Variants in ANKS1A observed in about 807,000 individuals in gnomAD.
ANKS1A encodes the protein ankyrin repeat and sterile alpha motif domain containing 1A.
ANKS1A carries 55 observed loss-of-function variants against 120.3 expected under a neutral mutation model. The observed-to-expected ratio is 0.46, with a 90% confidence interval of 0.37 to 0.57. The LOEUF is 0.57. Ranked by LOEUF, ANKS1A falls within the 20% of genes least tolerant of loss-of-function variation. The pLI, the probability that ANKS1A is intolerant of heterozygous loss-of-function variation, is 0.00. For synonymous variants in ANKS1A, 590 were observed against 604.7 expected (o/e 0.98, Z 0.36); for missense variants, 1,123 against 1,480.3 (o/e 0.76, Z 3.96).
intron 11 of ANKS1A, among the ~76,000 whole-genome samples, chr6:35,043,610 C>T (rs1360576070): frequency 6.6e-6 from 1 of 152,158 alleles, no homozygotes; most frequent in Non-Finnish European, 1.5e-5. Context: ...CCAGTAGAAG[C>T]CTCTTACATG....
rs62402705 is a variant in ANKS1A at position 35,017,781 on chromosome 6, C to T, written c.1732C>T (p.Arg578Cys). The T allele has an allele frequency of 2.2e-5, 35 of 1,614,064 alleles. No homozygotes were observed. The highest frequency in any genetic ancestry group is 1.2e-4 in the African/African-American group (9 of 74,924). ...YLTGLPTTNS[R>C]SHPETLTHTA... ...CACAGGCCTGCCCACCACCAACAGCCGCTCGCACCCTGAAACTTTGACTCA... is the reference window on the plus strand; with the variant it reads ...CACAGGCCTGCCCACCACCAACAGCTGCTCGCACCCTGAAACTTTGACTCA... Residue 578 changes from arginine to cysteine, a missense_variant, in exon 11 of 24, where the codon CGC becomes TGC. This residue lies in a region of ANKS1A where 904 missense variants were observed against 1,130.4 expected (regional missense o/e 0.80). Transcript: ENST00000360359.
chr6:34,939,921 A>T (rs1769444791), intron 1 of ANKS1A, among the ~76,000 whole-genome samples: 1 of 152,152 alleles, frequency 6.6e-6, no homozygotes, highest in Non-Finnish European at 1.5e-5. Context: ...TCATCTAAGA[A>T]ATATGGTTGC....
At position 34,982,737 on chromosome 6, in the gene ANKS1A, T is replaced by C. The variant is rs775792143; in HGVS notation, c.733-15T>C. 2.5e-6 allele frequency: 4 copies of C among 1,614,236 alleles called. No homozygotes were observed. The Admixed American group carries it at 5.0e-5, about 20-fold the overall frequency. ...TCTGATGACATCCCGCTCTGCGCTC[T>C]CGTTTGCTTTCCAGACGGAGATGGG... On this transcript the variant is annotated splice_polypyrimidine_tract_variant and intron_variant, in intron 4 of 23. Coordinates refer to ENST00000360359, the MANE Select transcript of ANKS1A (RefSeq NM_015245.3). The surrounding 1 kb of genome is among the most constrained non-coding windows in gnomAD (Gnocchi z 4.9).
In ANKS1A at chr6:34,983,138, C is replaced by A. The variant is rs773336222; in HGVS notation, c.834C>A (p.Asn278Lys). The A allele has an allele frequency of 1.2e-6, 2 of 1,614,172 alleles. No individual in the cohort carries two copies. Among genetic ancestry groups the A allele is most frequent in the Non-Finnish European group, 1.7e-6 (2 of 1,180,028 alleles). The change falls in exon 6 of 24, where the codon AAC (asparagine) becomes AAA (lysine). Residue 278 changes from asparagine to lysine, a missense_variant. Asn to Lys is a moderately conservative substitution (Grantham distance 94, BLOSUM62 0). This residue lies in a region of ANKS1A where 904 missense variants were observed against 1,130.4 expected (regional missense o/e 0.80). Transcript: ENST00000360359. ...GAACTGACGTCAACATAAAAGATAA[C>A]CATGGACTGACTGCCCTAGACACTG... ...AAGTDVNIKD[N>K]HGLTALDTVR... is the part of the protein sequence containing the mutation.
At chr6:35,072,200 C>T (rs954859498) in intron 13 of ANKS1A, among the ~76,000 whole-genome samples, 7 of 152,248 alleles carry the variant, frequency 4.6e-5, no homozygotes, top group African/African-American at 1.7e-4. Context: ...AGGAAGAAAG[C>T]AGTGTGGGTC....
chr6:34,947,138 G>A (rs1769839189), intron 1 of ANKS1A, among the ~76,000 whole-genome samples: 1 of 141,494 alleles, frequency 7.1e-6, no homozygotes, highest in Non-Finnish European at 1.5e-5. Flanking sequence ...TAGTATAGTA[G>A]ACTCTTTTTT....
Position 35,090,188 on chromosome 6 carries a change from C to T in ANKS1A, c.*1579C>T, listed in dbSNP as rs1226467270. On this transcript the variant is annotated 3_prime_UTR_variant, in exon 24 of 24. Transcript: ENST00000360359. ...ACTTCTTGGTACTAAACGAAGATCTCGACACCTTGCAGTTTTACTTCATTT... is the reference window on the plus strand; with the variant it reads ...ACTTCTTGGTACTAAACGAAGATCTTGACACCTTGCAGTTTTACTTCATTT... 2.3e-6 allele frequency: 3 copies of T among 1,289,350 alleles called. No individual in the cohort carries two copies. The highest frequency in any genetic ancestry group is 3.0e-6 in the Non-Finnish European group (3 of 988,892). The allele number at this position is 1,289,350 out of a possible 1,614,324, so 79.9% of individuals were successfully genotyped here. A position where few individuals can be genotyped will look rare whatever the true frequency, so the allele number is the denominator to read the frequency against.
chr6:34,950,576 G>A (rs531043113), intron 1 of ANKS1A, among the ~76,000 whole-genome samples: 1 of 152,212 alleles, frequency 6.6e-6, no homozygotes, highest in South Asian at 2.1e-4. Flanking sequence ...GAGAGATCCG[G>A]CTTAACTCCA....
chr6:34,993,892 C>T lies in ANKS1A; in HGVS notation c.1303-410C>T, dbSNP rs115025509. ...TGCAGAACACTGTAGGCATGGGAGA[C>T]GCAAGAAAGGAAGGATCCTGGATTT... On this transcript the variant is annotated intron_variant, in intron 9 of 23. Transcript: ENST00000360359. Among the ~76,000 whole-genome samples, 646 of 152,206 alleles carry T rather than the reference C, an allele frequency of 4.2e-3. 2 individuals carry two copies. Among genetic ancestry groups the T allele is most frequent in the African/African-American group, 0.014 (583 of 41,522 alleles).
At chr6:34,962,662 G>T (rs544683516) in intron 1 of ANKS1A, among the ~76,000 whole-genome samples, 1 of 151,532 alleles carries the variant, frequency 6.6e-6, no homozygotes, top group Admixed American at 6.6e-5. Flanking sequence ...GGTGGCATGC[G>T]CCTGTAGTCC....
At chr6:35,078,691 C>A (rs376568555) in intron 14 of ANKS1A, 35 bp downstream of exon 14, 70 of 1,590,182 alleles carry the variant, frequency 4.4e-5, no homozygotes, top group Non-Finnish European at 2.4e-5. Flanking sequence ...TCAGCCCGTG[C>A]GGAGCCAGGG....
At position 34,896,147 on chromosome 6, in the gene ANKS1A, G is replaced by A. The variant is rs186511812; in HGVS notation, c.197+6548G>A. Reference sequence around the variant, plus strand: ...TACAGTGGTGCAATCTCAGCTCACTGCAACCTCTGCCTCTCAGGTTCAAGT... The same window carrying A: ...TACAGTGGTGCAATCTCAGCTCACTACAACCTCTGCCTCTCAGGTTCAAGT... On this transcript the variant is annotated intron_variant, in intron 1 of 23. Transcript: ENST00000360359. Among the ~76,000 whole-genome samples, 3 of 149,732 alleles carry A rather than the reference G, an allele frequency of 2.0e-5. No homozygotes were observed. In the East Asian group the frequency reaches 5.9e-4, roughly 29 times the overall value.
At chr6:34,918,287 C>G (rs1462080766) in intron 1 of ANKS1A, among the ~76,000 whole-genome samples, 9 of 152,084 alleles carry the variant, frequency 5.9e-5, no homozygotes, top group African/African-American at 2.2e-4. Flanking sequence ...GCCAGTTGGC[C>G]TAGGTTCAAA....
rs1430954077 is a variant in ANKS1A at position 34,934,175 on chromosome 6, T to A, written c.198-33064T>A. Among the ~76,000 whole-genome samples the A allele has an allele frequency of 3.9e-5, 6 of 152,170 alleles. No individual in the cohort carries two copies. In the East Asian group the frequency reaches 1.2e-3, roughly 29 times the overall value. The stretch of plus-strand genomic sequence containing the variant: ...TTATTTATTTATTTTGGAGACGGAG[T>A]CTTGCTTTGTCACCCAGGCTGAAGT... On this transcript the variant is annotated intron_variant, in intron 1 of 23. Transcript: ENST00000360359.
In ANKS1A at chr6:34,950,620, A is replaced by C. The variant is rs564214412; in HGVS notation, c.198-16619A>C. Reference sequence around the variant, plus strand: ...AAGGGCAAGTGGGGATTGATAGCCAAGGAGCAAGGTGAAGGGGTCAGTGGG... The same window carrying C: ...AAGGGCAAGTGGGGATTGATAGCCACGGAGCAAGGTGAAGGGGTCAGTGGG... On this transcript the variant is annotated intron_variant, in intron 1 of 23. Coordinates refer to ENST00000360359, the MANE Select transcript of ANKS1A (RefSeq NM_015245.3). Among the ~76,000 whole-genome samples the C allele has an allele frequency of 3.0e-4, 46 of 152,316 alleles. No individual in the cohort carries two copies. In the South Asian group the frequency reaches 3.9e-3, roughly 13 times the overall value.
chr6:34,893,186 G>A (rs1268228060), intron 1 of ANKS1A, among the ~76,000 whole-genome samples: 3 of 152,140 alleles, frequency 2.0e-5, no homozygotes, highest in Non-Finnish European at 4.4e-5. Flanking sequence ...GTGTGTACGG[G>A]ACTTACCATA....
Position 35,082,577 on chromosome 6 carries a change from T to G in ANKS1A, c.2710-114T>G, listed in dbSNP as rs937290420. On this transcript the variant is annotated intron_variant, in intron 17 of 23. Coordinates refer to ENST00000360359, the MANE Select transcript of ANKS1A (RefSeq NM_015245.3). The surrounding 1 kb of genome is among the most constrained non-coding windows in gnomAD (Gnocchi z 4.1). ...GCCCCCTGCCATCTCCACTCGACCC[T>G]TGAACTTGCTAAGGTCACTGGCATC... 7.2e-7 allele frequency: 1 copy of G among 1,389,388 alleles called. No individual in the cohort carries two copies. The highest frequency in any genetic ancestry group is 9.6e-7 in the Non-Finnish European group (1 of 1,043,160). The allele number at this position is 1,389,388 out of a possible 1,614,324, so 86.1% of individuals were successfully genotyped here. A position where few individuals can be genotyped will look rare whatever the true frequency, so the allele number is the denominator to read the frequency against.
chr6:35,000,168 C>A (rs1262909430), intron 10 of ANKS1A, among the ~76,000 whole-genome samples: 1 of 151,846 alleles, frequency 6.6e-6, no homozygotes, highest in Non-Finnish European at 1.5e-5. Context: ...AGCACTGAGG[C>A]CTTCCTATCA....
intron 11 of ANKS1A, among the ~76,000 whole-genome samples, chr6:35,020,368 T>C (rs1245018064): frequency 6.6e-6 from 1 of 152,208 alleles, no homozygotes; most frequent in Non-Finnish European, 1.5e-5. Flanking sequence ...TGTGTGTAGG[T>C]TATATGCAAT....
Sources: gnomAD v4.1 joint callset for allele counts (sites outside exome capture counted in the v4.1 genomes callset) on GRCh38, gnomAD v4.1.1 for gene constraint, gnomAD v4.1.1 regional missense constraint, Gnocchi (gnomAD v3.1) non-coding constraint, MANE v1.5 for transcripts, NCBI Gene and HGNC (gene_info 2026-07-23, HGNC 2026-07-21) for gene names.